Variants in MRGPRX3 observed in about 807,000 individuals in gnomAD.
MRGPRX3 encodes the protein mas-related G protein-coupled receptor member X3.
In MRGPRX3, 14 loss-of-function variants were observed where a neutral mutation model predicts 16.5. That is an observed-to-expected ratio of 0.85 (90% CI 0.56 to 1.33). The LOEUF is 1.33. Among genes scored for constraint, MRGPRX3 ranks in the 40% most tolerant of loss-of-function variants. The pLI is 0.00. For synonymous variants in MRGPRX3, 199 were observed against 180.1 expected (o/e 1.10, Z -0.84); for missense variants, 449 against 413.0 (o/e 1.09, Z -0.76).
chr11:18,132,990 A>T (rs770250721), intron 1 of MRGPRX3, among the ~76,000 whole-genome samples: 4 of 152,150 alleles, frequency 2.6e-5, no homozygotes, highest in South Asian at 2.1e-4. Context: ...ATCTGCCCTC[A>T]TGGAGAGACT....
upstream of MRGPRX3, among the ~76,000 whole-genome samples, chr11:18,131,363 G>C (rs1178694291): frequency 1.3e-5 from 2 of 151,976 alleles, no homozygotes; most frequent in South Asian, 2.1e-4. Flanking sequence ...TCCCATGAAA[G>C]AGTGGGCTAA....
At chr11:18,128,528 T>A (rs1013851988), upstream of MRGPRX3, among the ~76,000 whole-genome samples, 2 of 152,200 alleles carry the variant, frequency 1.3e-5, no homozygotes, top group Non-Finnish European at 2.9e-5. Flanking sequence ...GATCTCAGAC[T>A]ACTGTGCTAG....
upstream of MRGPRX3, among the ~76,000 whole-genome samples, chr11:18,129,370 A>G (rs1848937040): frequency 6.6e-6 from 1 of 152,250 alleles, no homozygotes; most frequent in Non-Finnish European, 1.5e-5. Flanking sequence ...AACCAATGCT[A>G]TAGAAATACA....
At chr11:18,122,958 T>C (rs1267080043) in intron 1 of MRGPRX3, among the ~76,000 whole-genome samples, 3 of 152,138 alleles carry the variant, frequency 2.0e-5, no homozygotes, top group Admixed American at 1.3e-4. Context: ...CATTTTTTCA[T>C]GTGTCTTTTG....
intron 1 of MRGPRX3, among the ~76,000 whole-genome samples, chr11:18,133,749 A>G (rs1051495155): frequency 8.5e-5 from 13 of 152,188 alleles, no homozygotes; most frequent in Non-Finnish European, 1.6e-4. Context: ...CATTTCCTTC[A>G]TAAATTTCCC....
At chr11:18,135,507 T>C (rs1849000349) in intron 1 of MRGPRX3, among the ~76,000 whole-genome samples, 1 of 152,184 alleles carries the variant, frequency 6.6e-6, no homozygotes, top group Non-Finnish European at 1.5e-5. Flanking sequence ...TCTTTCCACC[T>C]GGAGAGCTCC....
upstream of MRGPRX3, among the ~76,000 whole-genome samples, chr11:18,131,137 G>A (rs967606210): frequency 3.9e-5 from 6 of 152,052 alleles, no homozygotes; most frequent in African/African-American, 1.4e-4. Flanking sequence ...AAGACTTCAT[G>A]GCCAAGAACC....
intron 1 of MRGPRX3, among the ~76,000 whole-genome samples, chr11:18,122,523 A>G (rs1457786400): frequency 3.3e-5 from 5 of 152,024 alleles, no homozygotes; most frequent in Non-Finnish European, 7.4e-5. Context: ...GAACTCATCA[A>G]TTTTTTGGCT....
upstream of MRGPRX3, chr11:18,132,478 GGCCA>G (rs1848969481): frequency 1.3e-5 from 2 of 152,214 alleles, no homozygotes; most frequent in South Asian, 4.1e-4. Context: ...ATGGGACAGA[GGCCA>G]AGAATCATCT....
upstream of MRGPRX3, among the ~76,000 whole-genome samples, chr11:18,129,922 CAAAA>C (rs1564880460): frequency 1.3e-5 from 2 of 152,100 alleles, no homozygotes; most frequent in African/African-American, 4.8e-5. Context: ...GAATTAAAAA[CAAAA>C]ATCACATGAT....
chr11:18,126,663 C>A (rs1028263051), intron 1 of MRGPRX3, among the ~76,000 whole-genome samples: 2 of 152,008 alleles, frequency 1.3e-5, no homozygotes, highest in African/African-American at 4.8e-5. Flanking sequence ...CACAACCGTT[C>A]CCAGTGTGTG....
intron 1 of MRGPRX3, among the ~76,000 whole-genome samples, chr11:18,122,411 C>T (rs1353884840): frequency 2.0e-5 from 3 of 152,300 alleles, no homozygotes; most frequent in African/African-American, 7.2e-5. Context: ...TTGTTCAATT[C>T]CCACCTGTGA....
upstream of MRGPRX3, among the ~76,000 whole-genome samples, chr11:18,128,724 C>T (rs1420897498): frequency 6.6e-6 from 1 of 152,244 alleles, no homozygotes. Context: ...CCTTGCACTT[C>T]CCGGGTGAGG....
upstream of MRGPRX3, among the ~76,000 whole-genome samples, chr11:18,130,317 TA>T (rs913233994): frequency 2.6e-5 from 4 of 152,132 alleles, no homozygotes; most frequent in Non-Finnish European, 4.4e-5. Context: ...AACTGATACA[TA>T]AATTCAGTAA....
At chr11:18,132,377 C>A (rs759004200), upstream of MRGPRX3, 5 of 152,166 alleles carry the variant, frequency 3.3e-5, no homozygotes, top group East Asian at 9.6e-4. Flanking sequence ...GATGCCTAGG[C>A]CCATAATTGA....
intron 1 of MRGPRX3, among the ~76,000 whole-genome samples, chr11:18,121,424 A>G (rs79372227): frequency 6.6e-6 from 1 of 151,186 alleles, no homozygotes; most frequent in Non-Finnish European, 1.5e-5. Context: ...CCCCTCTGCC[A>G]GGCCACACGC....
upstream of MRGPRX3, among the ~76,000 whole-genome samples, chr11:18,129,385 A>C (rs570189902): frequency 6.6e-6 from 1 of 152,346 alleles, no homozygotes; most frequent in African/African-American, 2.4e-5. Flanking sequence ...AATACAAAAG[A>C]TCTTTCAAGA....
chr11:18,122,270 A>G (rs7936675), intron 1 of MRGPRX3, among the ~76,000 whole-genome samples: 7,762 of 152,108 alleles, frequency 0.051, 659 homozygotes, highest in African/African-American at 0.18. Flanking sequence ...TGTTACATAG[A>G]TATACATGTG....
intron 1 of MRGPRX3, among the ~76,000 whole-genome samples, chr11:18,134,779 C>G (rs993324823): frequency 6.6e-6 from 1 of 152,200 alleles, no homozygotes; most frequent in Non-Finnish European, 1.5e-5. Context: ...AGAGGCTTTG[C>G]TCCTTCTATT....
Sources: gnomAD v4.1 joint callset for allele counts (sites outside exome capture counted in the v4.1 genomes callset) on GRCh38, gnomAD v4.1.1 for gene constraint, MANE v1.5 for transcripts, NCBI Gene and HGNC (gene_info 2026-07-23, HGNC 2026-07-21) for gene names.